GUCY2C: variants seen among roughly 807,000 people sequenced by gnomAD.
GUCY2C encodes guanylate cyclase 2C.
Under a neutral mutation model 131.1 loss-of-function variants are expected in GUCY2C, and 118 were observed. That is an observed-to-expected ratio of 0.90 (90% CI 0.78 to 1.05). The LOEUF is 1.05. Ranked by LOEUF, GUCY2C falls within the 50% of genes least tolerant of loss-of-function variation. GUCY2C has a pLI of 0.00. For synonymous variants in GUCY2C, 452 were observed against 457.8 expected (o/e 0.99, Z 0.16); for missense variants, 1,161 against 1,304.4 (o/e 0.89, Z 1.69).
At chr12:14,630,611 T>C (rs1323087551) in intron 19 of GUCY2C, among the ~76,000 whole-genome samples, 2 of 152,166 alleles carry the variant, frequency 1.3e-5, no homozygotes, top group Non-Finnish European at 2.9e-5. Flanking sequence ...CATAGGATAA[T>C]GTATGCAGGT....
chr12:14,657,100 C>A (rs536992599), intron 11 of GUCY2C, among the ~76,000 whole-genome samples: 1 of 152,320 alleles, frequency 6.6e-6, no homozygotes, highest in Non-Finnish European at 1.5e-5. Context: ...GCGGTTGGTT[C>A]CTAACAGGCC....
intron 7 of GUCY2C, among the ~76,000 whole-genome samples, chr12:14,676,417 A>G (rs1201164555): frequency 2.0e-5 from 3 of 152,218 alleles, no homozygotes; most frequent in Admixed American, 6.5e-5. Flanking sequence ...AGGAATATAC[A>G]TTTCTAAAGG....
chr12:14,695,735 A>C (rs1340060800), intron 1 of GUCY2C, among the ~76,000 whole-genome samples: 1 of 152,164 alleles, frequency 6.6e-6, no homozygotes, highest in African/African-American at 2.4e-5. Context: ...ATCCCTGTGA[A>C]ATCTTAGGTC....
At chr12:14,654,037 T>C (rs1592116208) in intron 12 of GUCY2C, among the ~76,000 whole-genome samples, 1 of 152,216 alleles carries the variant, frequency 6.6e-6, no homozygotes, top group East Asian at 1.9e-4. Flanking sequence ...TTCCAACTCA[T>C]AGAAATAGCT....
At chr12:14,669,671 C>T in intron 10 of GUCY2C, 51 bp downstream of exon 10, 3 of 916,648 alleles carry the variant, frequency 3.3e-6, no homozygotes, top group South Asian at 1.5e-5. Context: ...CTTTACTTTT[C>T]TTACCAGGAA....
At chr12:14,642,337 A>C (rs1947425051) in intron 17 of GUCY2C, among the ~76,000 whole-genome samples, 1 of 152,204 alleles carries the variant, frequency 6.6e-6, no homozygotes, top group Non-Finnish European at 1.5e-5. Flanking sequence ...CGGGCATGCA[A>C]TTAATTTTTC....
At chr12:14,651,375 T>C (rs945715782) in intron 15 of GUCY2C, 32 bp downstream of exon 15, 2 of 995,816 alleles carry the variant, frequency 2.0e-6, no homozygotes, top group Non-Finnish European at 3.2e-6. Flanking sequence ...TTTTATATGA[T>C]TAGAAAATTG....
At chr12:14,616,939 A>T (rs1162342711) in intron 24 of GUCY2C, among the ~76,000 whole-genome samples, 1 of 152,180 alleles carries the variant, frequency 6.6e-6, no homozygotes, top group Non-Finnish European at 1.5e-5. Flanking sequence ...TCTCATGTTG[A>T]ATTTTAATCC....
At chr12:14,676,507 T>C (rs956846467) in intron 7 of GUCY2C, among the ~76,000 whole-genome samples, 2 of 152,358 alleles carry the variant, frequency 1.3e-5, no homozygotes, top group African/African-American at 4.8e-5. Flanking sequence ...TTATTTTACA[T>C]TATTTAATTT....
rs372890429 is a variant in GUCY2C at position 14,692,659 on chromosome 12, C to T, written c.217+3573G>A. On this transcript the variant is annotated intron_variant, in intron 1 of 26. Coordinates refer to ENST00000261170, the MANE Select transcript of GUCY2C (RefSeq NM_004963.4). ...GGTCAGGAGTTCGAGATCAGCCTGA[C>T]CAACATGAAGAAACCCCGTCTCTAC... Among the ~76,000 whole-genome samples, 522 of 152,224 alleles carry T rather than the reference C, an allele frequency of 3.4e-3. 4 individuals are homozygous for T. Among genetic ancestry groups the T allele is most frequent in the Non-Finnish European group, 6.4e-3 (438 of 68,010 alleles).
At chr12:14,653,594 G>A (rs193187233) in intron 12 of GUCY2C, among the ~76,000 whole-genome samples, 7 of 152,238 alleles carry the variant, frequency 4.6e-5, no homozygotes, top group East Asian at 1.9e-4. Context: ...CAAAACACAC[G>A]CACACACATA....
At chr12:14,662,973 G>A (rs980819294) in intron 10 of GUCY2C, among the ~76,000 whole-genome samples, 3 of 152,114 alleles carry the variant, frequency 2.0e-5, no homozygotes, top group Admixed American at 6.6e-5. Context: ...AACACTAGAA[G>A]CTCATGCATA....
intron 22 of GUCY2C, among the ~76,000 whole-genome samples, chr12:14,621,480 G>A (rs1946895957): frequency 6.6e-6 from 1 of 152,170 alleles, no homozygotes; most frequent in South Asian, 2.1e-4. Flanking sequence ...TTGTCCAGAT[G>A]TGGTGACAGT....
At chr12:14,668,140 A>G (rs1217910854) in intron 10 of GUCY2C, among the ~76,000 whole-genome samples, 1 of 150,250 alleles carries the variant, frequency 6.7e-6, no homozygotes, top group Non-Finnish European at 1.5e-5. Context: ...AGTAGCTGGG[A>G]CCACAGGTAT....
At position 14,651,487 on chromosome 12, in the gene GUCY2C, G is replaced by C; in HGVS notation, c.1630C>G (p.Leu544Val). The C allele has an allele frequency of 6.2e-7, 1 of 1,602,346 alleles. No individual in the cohort carries two copies. Among genetic ancestry groups the C allele is most frequent in the Non-Finnish European group, 8.6e-7 (1 of 1,169,372 alleles). ...TTCACTGTGCCGTAGAACTTGGTCAGGTTGTAATAGTCAATCTGAAGCAAC... is the reference window on the plus strand; with the variant it reads ...TTCACTGTGCCGTAGAACTTGGTCACGTTGTAATAGTCAATCTGAAGCAAC... ...NKLLQIDYYN[L>V]TKFYGTVKLD... Residue 544 changes from leucine to valine, a missense_variant, in exon 15 of 27, where the codon CTG becomes GTG. Transcript: ENST00000261170.
intron 3 of GUCY2C, among the ~76,000 whole-genome samples, chr12:14,684,405 GCAAA>G (rs1203664189): frequency 1.3e-5 from 2 of 152,014 alleles, no homozygotes; most frequent in East Asian, 3.9e-4. Flanking sequence ...TCTTCAACAT[GCAAA>G]CAATCGCATC....
At position 14,696,477 on chromosome 12, in the gene GUCY2C, T is replaced by C. The variant is rs1948657839; in HGVS notation, c.-29A>G. On this transcript the variant is annotated 5_prime_UTR_variant, in exon 1 of 27. Coordinates refer to ENST00000261170, the MANE Select transcript of GUCY2C (RefSeq NM_004963.4). ...CCCAATCACGTTAGAACCATACTCC[T>C]TGTGCCCACTTGCTTTGCTCTGTTG... The C allele has an allele frequency of 6.4e-7, 1 of 1,554,348 alleles. No individual in the cohort carries two copies. Among genetic ancestry groups the C allele is most frequent in the African/African-American group, 1.4e-5 (1 of 73,856 alleles).
intron 1 of GUCY2C, among the ~76,000 whole-genome samples, chr12:14,688,468 C>G (rs1455453852): frequency 6.6e-6 from 1 of 152,124 alleles, no homozygotes; most frequent in Non-Finnish European, 1.5e-5. Flanking sequence ...CCTGTATGGA[C>G]TGGAGAGTGT....
chr12:14,650,982 C>A (rs1947644752), intron 15 of GUCY2C, among the ~76,000 whole-genome samples: 1 of 152,040 alleles, frequency 6.6e-6, no homozygotes, highest in African/African-American at 2.4e-5. Flanking sequence ...CCTCATCTGG[C>A]AACTCCCAGA....
Sources: allele counts gnomAD v4.1 joint callset (sites outside exome capture counted in the v4.1 genomes callset), GRCh38; gene constraint gnomAD v4.1.1; transcripts MANE v1.5; gene names NCBI Gene and HGNC (gene_info 2026-07-23, HGNC 2026-07-21).